The following REXO1 variants were observed in gnomAD, a reference collection of about 807,000 sequenced individuals.
REXO1 encodes REX1, RNA exonuclease 1 homolog.
Under a neutral mutation model 102.6 loss-of-function variants are expected in REXO1, and 42 were observed. The observed-to-expected ratio is 0.41, with a 90% CI of 0.32 to 0.53. REXO1 has a LOEUF of 0.53. REXO1 is among the 20% of genes least tolerant of loss of function. The pLI is 0.27. For synonymous variants in REXO1, 908 were observed against 779.1 expected (o/e 1.17, Z -2.76); for missense variants, 1,819 against 1,732.5 (o/e 1.05, Z -0.89).
chr19:1,841,403 CAG>C (rs1240243425), intron 1 of REXO1, among the ~76,000 whole-genome samples: 1 of 152,140 alleles, frequency 6.6e-6, no homozygotes, highest in African/African-American at 2.4e-5. Flanking sequence ...CGGAGGAGGA[CAG>C]AGTTTTCTCG....
rs2069448530 is a variant in REXO1, at chr19:1,818,866, G to A, written c.2765-23C>T. On this transcript the variant is annotated intron_variant, in intron 8 of 15. Coordinates refer to ENST00000170168, the MANE Select transcript of REXO1 (RefSeq NM_020695.4). ...CCCCTGTGGACAGGCACAGTGGTCA[G>A]CCCCTGCCTGGGATGGCCCACGGGG... 3 of 1,607,022 alleles carry A rather than the reference G, an allele frequency of 1.9e-6. No homozygotes were observed. The Admixed American group carries it at 5.0e-5, about 27-fold the overall frequency.
chr19:1,847,819 T>G (rs1183826444), intron 1 of REXO1, among the ~76,000 whole-genome samples: 1 of 151,964 alleles, frequency 6.6e-6, no homozygotes, highest in Admixed American at 6.6e-5. Flanking sequence ...GCACATGGGG[T>G]CCGGGAAGCG....
At chr19:1,828,802 G>A (rs566418045) in intron 1 of REXO1, among the ~76,000 whole-genome samples, 171 bp from the exon 2 acceptor site, 45 of 152,378 alleles carry the variant, frequency 3.0e-4, no homozygotes, top group Admixed American at 2.1e-3. Flanking sequence ...AGGCCATGGC[G>A]CCATCTCAGG....
At chr19:1,829,493 TTTAAA>T (rs1226775984) in intron 1 of REXO1, among the ~76,000 whole-genome samples, 3 of 152,148 alleles carry the variant, frequency 2.0e-5, no homozygotes, top group Non-Finnish European at 2.9e-5. Context: ...CCTGGCCTAC[TTTAAA>T]TTAATTTTTT....
intron 1 of REXO1, among the ~76,000 whole-genome samples, chr19:1,837,290 T>G (rs983415738): frequency 6.6e-6 from 1 of 152,162 alleles, no homozygotes; most frequent in South Asian, 2.1e-4. Context: ...TCCCTGCTCC[T>G]GGGGCCTCCC....
Position 1,828,155 on chromosome 19 carries a change from G to A in REXO1, c.634C>T (p.His212Tyr), listed in dbSNP as rs1328078166. ...TTGCCACTGGGAACGGGGCGGCTGTGCCGCCGGGGCTGGCTCACAGCCTTG... is the reference window on the plus strand; with the variant it reads ...TTGCCACTGGGAACGGGGCGGCTGTACCGCCGGGGCTGGCTCACAGCCTTG... ...VPKAVSQPRRHSRPVPSGKYV... is the reference protein window; with the variant it reads ...VPKAVSQPRRYSRPVPSGKYV... Residue 212 changes from histidine (H) to tyrosine (Y), a missense_variant, in exon 2 of 16, where the codon CAC becomes TAC. Transcript: ENST00000170168. 21 of 1,609,768 alleles carry A rather than the reference G, an allele frequency of 1.3e-5. No individual in the cohort carries two copies. The highest frequency in any genetic ancestry group is 1.7e-5 in the Non-Finnish European group (20 of 1,179,070).
In REXO1 at chr19:1,827,004, C is replaced by T. The variant is rs575686528; in HGVS notation, c.1785G>A (p.Ala595=). The change falls in exon 2 of 16, where the codon GCG becomes GCA. Residue 595 remains alanine, a synonymous_variant. Transcript: ENST00000170168. ...SSSSSTSSAG[A]DVDYSALEKE... is the part of the protein sequence containing the mutation. ...TCTCCAGGGCCGAGTAGTCCACATC[C>T]GCCCCCGCGCTGGAGGTGGAGGAGG... The T allele has an allele frequency of 4.0e-5, 62 of 1,551,758 alleles. No homozygotes were observed. Among genetic ancestry groups the T allele is most frequent in the East Asian group, 1.2e-4 (5 of 41,390 alleles).
Position 1,848,259 on chromosome 19 carries a change from G to A in REXO1, c.100C>T (p.Arg34Cys). ...GGCGCGCCGGAGCCCCGGGCCCCGC[G>A]GTGCCGGAAGTGGCAGTAGGGCCGC... ...CRRPYCHFRH[R>C]GARGSGAPGD... Residue 34 changes from arginine (R) to cysteine (C), a missense_variant, in exon 1 of 16, where the codon CGC becomes TGC. Coordinates refer to ENST00000170168, the MANE Select transcript of REXO1 (RefSeq NM_020695.4). 8.1e-7 allele frequency: 1 copy of A among 1,231,090 alleles called. No individual in the cohort carries two copies. The allele number at this position is 1,231,090 out of a possible 1,614,324, so 76.3% of individuals were successfully genotyped here. A position where few individuals can be genotyped will look rare whatever the true frequency, so the allele number is the denominator to read the frequency against.
chr19:1,825,812 T>G, intron 3 of REXO1, 27 bp downstream of exon 3: 8 of 1,309,262 alleles, frequency 6.1e-6, no homozygotes, highest in Non-Finnish European at 7.6e-6. Flanking sequence ...AAAAGGCTCC[T>G]GCTGGCCTGG....
chr19:1,816,701 G>T lies in REXO1; in HGVS notation c.3314C>A (p.Thr1105Asn). The change falls in exon 13 of 16, where the codon ACC (threonine) becomes AAC (asparagine). Residue 1105 changes from threonine to asparagine, a missense_variant. Thr to Asn is a moderately conservative substitution (Grantham distance 65). Transcript: ENST00000170168. ...KPDNEIVDYN[T>N]RFSGVTEADL... ...TCGTGGAGGGCACTGGCCACACCTG[G>T]TGTTGTAGTCCACGATCTCGTTGTC... The T allele has an allele frequency of 6.2e-7, 1 of 1,612,248 alleles. No individual in the cohort carries two copies. Among genetic ancestry groups the T allele is most frequent in the African/African-American group, 1.3e-5 (1 of 74,938 alleles).
At position 1,837,934 on chromosome 19, in the gene REXO1, G is replaced by A. The variant is rs144504697; in HGVS notation, c.158-9303C>T. 8.0e-3 allele frequency among the ~76,000 whole-genome samples: 1,225 copies of A among 152,366 alleles called. 10 individuals are homozygous for A. Among genetic ancestry groups the A allele is most frequent in the Non-Finnish European group, 0.011 (766 of 68,030 alleles). Reference sequence around the variant, plus strand: ...CCGTCCCCACATGCCATGACTGGACGCGCTGCTGTCCCAAGGCTTACAGCT... The same window carrying A: ...CCGTCCCCACATGCCATGACTGGACACGCTGCTGTCCCAAGGCTTACAGCT... On this transcript the variant is annotated intron_variant, in intron 1 of 15. Transcript: ENST00000170168.
At position 1,827,049 on chromosome 19, in the gene REXO1, T is replaced by C; in HGVS notation, c.1740A>G (p.Pro580=). 1.6e-6 allele frequency: 1 copy of C among 637,300 alleles called. No individual in the cohort carries two copies. Among genetic ancestry groups the C allele is most frequent in the Non-Finnish European group, 2.6e-6 (1 of 382,538 alleles). 39.5% of individuals were successfully genotyped at this position (637,300 alleles called of 1,614,324 possible). A position where few individuals can be genotyped will look rare whatever the true frequency, so the allele number is the denominator to read the frequency against. The change falls in exon 2 of 16, where the codon CCA becomes CCG. Residue 580 remains proline (P), a synonymous_variant. Transcript: ENST00000170168. ...AGGAGGAGGAGGAGGAGGAGGAGGATGGGGCGGGGGAGGGGGGCGGGGAGG... is the reference window on the plus strand; with the variant it reads ...AGGAGGAGGAGGAGGAGGAGGAGGACGGGGCGGGGGAGGGGGGCGGGGAGG... The part of the protein sequence containing the change: ...LKASPPPSPA[P]SSSSSSSSST...
At chr19:1,828,703 T>A in intron 1 of REXO1, 72 bp from the exon 2 acceptor site, 2 of 1,477,204 alleles carry the variant, frequency 1.4e-6, no homozygotes. Context: ...GCGGCCCCGG[T>A]CTCAAACTGC....
chr19:1,826,847 C>T lies in REXO1; in HGVS notation c.1911+31G>A, dbSNP rs751424402. 2.0e-5 allele frequency: 31 copies of T among 1,553,020 alleles called. No homozygotes were observed. Among genetic ancestry groups the T allele is most frequent in the Admixed American group, 1.4e-4 (7 of 50,658 alleles). ...CCAGGCCCTCGGCTCTGCCTCTGCC[C>T]GAGCCCAGCCCCAGCACCCGCGCGC... On this transcript the variant is annotated intron_variant, in intron 2 of 15. Transcript: ENST00000170168. The surrounding 1 kb of genome is among the most constrained non-coding windows in gnomAD (Gnocchi z 4.3).
At position 1,819,111 on chromosome 19, in the gene REXO1, C is replaced by T. The variant is rs1429879138; in HGVS notation, c.2671G>A (p.Val891Met). 6 of 1,586,454 alleles carry T rather than the reference C, an allele frequency of 3.8e-6. No individual in the cohort carries two copies. Among genetic ancestry groups the T allele is most frequent in the Admixed American group, 1.8e-5 (1 of 56,804 alleles). Residue 891 changes from valine (V) to methionine (M), a missense_variant, in exon 8 of 16, where the codon GTG (valine) becomes ATG (methionine). Physicochemically the swap from Val to Met is conservative, Grantham distance 21. Coordinates refer to ENST00000170168, the MANE Select transcript of REXO1 (RefSeq NM_020695.4). ...CCCCCCAACACCACCTCGTGGGACA[C>T]AACCCTGCGGCCACTGGTTTCTGGA... The part of the protein sequence containing the change: ...GLSKTSGRRV[V>M]SHEVVLGGRL...
At position 1,848,208 on chromosome 19, in the gene REXO1, C is replaced by CG; in HGVS notation, c.150dup (p.Ala51ArgfsTer12). ...GCAGGCGGGCGGGCATTACCTGCTGCGGGGGGCGCCTCTCCGCCGTCACCG... is the reference window on the plus strand; with the variant it reads ...GCAGGCGGGCGGGCATTACCTGCTGCGGGGGGGCGCCTCTCCGCCGTCACCG... On this transcript the variant is annotated frameshift_variant, in exon 1 of 16. Coordinates refer to ENST00000170168, the MANE Select transcript of REXO1 (RefSeq NM_020695.4). LOFTEE classifies it high-confidence loss of function. The CG allele has an allele frequency of 4.9e-6, 6 of 1,218,112 alleles. No individual in the cohort carries two copies. The highest frequency in any genetic ancestry group is 4.1e-5 in the South Asian group (1 of 24,686). The allele number at this position is 1,218,112 out of a possible 1,614,324, so 75.5% of individuals were successfully genotyped here. A position where few individuals can be genotyped will look rare whatever the true frequency, so the allele number is the denominator to read the frequency against.
chr19:1,819,563 G>A (rs2069471401), intron 7 of REXO1, among the ~76,000 whole-genome samples: 1 of 152,230 alleles, frequency 6.6e-6, no homozygotes, highest in African/African-American at 2.4e-5. Flanking sequence ...ATGCAGCCTG[G>A]AGAGGCTGCA....
In REXO1 at chr19:1,821,513, G is replaced by A. The variant is rs781122979; in HGVS notation, c.2394+6C>T. ...TGGTGGTCCTGGCCGAGATGGGAGGGGCTACCTGTAAGGATGGACTGTGGG... is the reference window on the plus strand; with the variant it reads ...TGGTGGTCCTGGCCGAGATGGGAGGAGCTACCTGTAAGGATGGACTGTGGG... On this transcript the variant is annotated splice_donor_region_variant and intron_variant, in intron 5 of 15. Coordinates refer to ENST00000170168, the MANE Select transcript of REXO1 (RefSeq NM_020695.4). The A allele has an allele frequency of 3.7e-6, 6 of 1,613,406 alleles. No individual in the cohort carries two copies. Among genetic ancestry groups the A allele is most frequent in the African/African-American group, 2.7e-5 (2 of 74,886 alleles).
At chr19:1,834,785 G>A (rs2069993747) in intron 1 of REXO1, among the ~76,000 whole-genome samples, 2 of 152,290 alleles carry the variant, frequency 1.3e-5, no homozygotes, top group African/African-American at 2.4e-5. Context: ...CTGCAGAGGG[G>A]GTTTCAGCAT....
Sources: gnomAD v4.1 joint callset for allele counts (sites outside exome capture counted in the v4.1 genomes callset) on GRCh38, gnomAD v4.1.1 for gene constraint, Gnocchi (gnomAD v3.1) non-coding constraint, MANE v1.5 for transcripts, NCBI Gene and HGNC (gene_info 2026-07-23, HGNC 2026-07-21) for gene names.